ST18: variants seen among roughly 807,000 people sequenced by gnomAD.
ST18 encodes ST18 C2H2C-type zinc finger transcription factor, also known as suppression of tumorigenicity 18 protein.
A neutral mutation model predicts 110.0 loss-of-function variants in ST18; 50 were observed. That is an observed-to-expected ratio of 0.45 (90% CI 0.36 to 0.58). The LOEUF is 0.58. Among genes scored for constraint, ST18 ranks in the 20% least tolerant of loss-of-function variants. ST18 has a pLI of 0.00. For missense variants in ST18, 1,306 were observed against 1,280.1 expected (o/e 1.02, Z -0.31); for synonymous variants, 461 against 452.4 (o/e 1.02, Z -0.24).
chr8:52,217,352 C>T (rs2084718211), intron 6 of ST18, among the ~76,000 whole-genome samples: 1 of 152,094 alleles, frequency 6.6e-6, no homozygotes, highest in Non-Finnish European at 1.5e-5. Context: ...AACTCTGCCA[C>T]TCTTATTTTC....
chr8:52,331,621 A>T (rs2140076122), intron 2 of ST18, among the ~76,000 whole-genome samples: 1 of 152,354 alleles, frequency 6.6e-6, no homozygotes, highest in African/African-American at 2.4e-5. Context: ...GTCACAGAGT[A>T]AATGTAATGA....
At chr8:52,250,982 A>C (rs1457597986) in intron 2 of ST18, among the ~76,000 whole-genome samples, 1 of 152,174 alleles carries the variant, frequency 6.6e-6, no homozygotes, top group Non-Finnish European at 1.5e-5. Context: ...GATACTAAAA[A>C]GTCCTGTACA....
At chr8:52,384,786 GGTGT>G (rs60638852) in intron 2 of ST18, among the ~76,000 whole-genome samples, 3,369 of 147,454 alleles carry the variant, frequency 0.023, 134 homozygotes, top group African/African-American at 0.079. Flanking sequence ...TGTGTACACA[GGTGT>G]GTGTGTGTGT....
At chr8:52,288,299 G>C (rs1008336346) in intron 2 of ST18, among the ~76,000 whole-genome samples, 54 of 152,226 alleles carry the variant, frequency 3.5e-4, no homozygotes, top group African/African-American at 1.3e-3. Context: ...CTCAGAAGAA[G>C]GGCATGAGGA....
intron 2 of ST18, among the ~76,000 whole-genome samples, chr8:52,291,961 G>A (rs892454497): frequency 2.0e-5 from 3 of 152,092 alleles, no homozygotes; most frequent in East Asian, 3.9e-4. Context: ...TTTTTGTACA[G>A]ACGGGGTTTC....
At chr8:52,137,597 A>G in intron 17 of ST18, 114 bp from the exon 18 acceptor site, 1 of 952,160 alleles carries the variant, frequency 1.1e-6, no homozygotes, top group Middle Eastern at 2.1e-4. Context: ...TTAACACAGT[A>G]TAGGACATGC....
chr8:52,359,497 C>T (rs1052554629), intron 2 of ST18, among the ~76,000 whole-genome samples: 7 of 152,082 alleles, frequency 4.6e-5, no homozygotes, highest in African/African-American at 1.2e-4. Context: ...AAATAACTAA[C>T]GTGTTGAAAA....
chr8:52,158,941 G>T lies in ST18; in HGVS notation c.1763C>A (p.Ala588Asp), dbSNP rs778285309. The change falls in exon 15 of 26, where the codon GCC becomes GAC. Residue 588 changes from alanine to aspartate, a missense_variant. Coordinates refer to ENST00000689386, the MANE Select transcript of ST18 (RefSeq NM_001352837.2). Reference sequence around the variant, plus strand: ...TGGCTTGTTGGAGAGGATGTCTGTGGCTTCCCTGCAGCGGGTGGAAAGGTT... The same window carrying T: ...TGGCTTGTTGGAGAGGATGTCTGTGTCTTCCCTGCAGCGGGTGGAAAGGTT... ...ILNLSTRCRE[A>D]TDILSNKPQS... 1.9e-6 allele frequency: 3 copies of T among 1,613,928 alleles called. No individual in the cohort carries two copies. The highest frequency in any genetic ancestry group is 2.5e-6 in the Non-Finnish European group (3 of 1,179,920).
At chr8:52,202,257 C>T (rs1032795947) in intron 8 of ST18, among the ~76,000 whole-genome samples, 3 of 151,962 alleles carry the variant, frequency 2.0e-5, no homozygotes, top group African/African-American at 7.3e-5. Context: ...TCATGCATTA[C>T]AAGCTACATT....
chr8:52,166,950 G>A lies in ST18; in HGVS notation c.1106C>T (p.Pro369Leu), dbSNP rs2063218020. The A allele has an allele frequency of 6.2e-7, 1 of 1,611,968 alleles. No homozygotes were observed. Among genetic ancestry groups the A allele is most frequent in the Non-Finnish European group, 8.5e-7 (1 of 1,178,390 alleles). The part of the protein sequence containing the change: ...PRPEKRETKC[P>L]IPGCDGTGHV... ...TCCCGTGCCATCACATCCAGGGATCGGGCACTTGGTCTCCCTCTTTTCAGG... is the reference window on the plus strand; with the variant it reads ...TCCCGTGCCATCACATCCAGGGATCAGGCACTTGGTCTCCCTCTTTTCAGG... The change falls in exon 11 of 26, where the codon CCG becomes CTG. Residue 369 changes from proline to leucine, a missense_variant. Pro to Leu is a moderately conservative substitution (Grantham distance 98). Coordinates refer to ENST00000689386, the MANE Select transcript of ST18 (RefSeq NM_001352837.2).
intron 2 of ST18, among the ~76,000 whole-genome samples, chr8:52,353,620 A>G (rs1384429296): frequency 6.6e-6 from 1 of 152,240 alleles, no homozygotes; most frequent in African/African-American, 2.4e-5. Flanking sequence ...TATTATGAAA[A>G]TAAGAGTTTT....
intron 2 of ST18, among the ~76,000 whole-genome samples, chr8:52,244,893 C>A (rs1436484362): frequency 6.6e-6 from 1 of 152,128 alleles, no homozygotes; most frequent in Non-Finnish European, 1.5e-5. Flanking sequence ...TTTTCTTTAA[C>A]CCTTTTGGTA....
chr8:52,195,605 A>C (rs2075953103), intron 8 of ST18, among the ~76,000 whole-genome samples: 1 of 152,178 alleles, frequency 6.6e-6, no homozygotes, highest in Non-Finnish European at 1.5e-5. Context: ...CTTTTAAAGA[A>C]GATTATTGCA....
intron 3 of ST18, among the ~76,000 whole-genome samples, chr8:52,223,076 GT>G (rs1433237777): frequency 3.9e-5 from 6 of 152,196 alleles, no homozygotes; most frequent in Non-Finnish European, 7.3e-5. Flanking sequence ...GGCTTCGCTT[GT>G]TAAATAAAGT....
intron 2 of ST18, among the ~76,000 whole-genome samples, chr8:52,338,146 A>T (rs1305140832): frequency 6.6e-6 from 1 of 151,746 alleles, no homozygotes; most frequent in Non-Finnish European, 1.5e-5. Flanking sequence ...GCAACCTCCA[A>T]CTCCTGTGTA....
rs779799867 is a variant in ST18 at position 52,132,021 on chromosome 8, T to C, written c.2603A>G (p.His868Arg). 3 of 1,614,184 alleles carry C rather than the reference T, an allele frequency of 1.9e-6. No homozygotes were observed. The highest frequency in any genetic ancestry group is 2.5e-6 in the Non-Finnish European group (3 of 1,180,026). The change falls in exon 22 of 26, where the codon CAT (histidine) becomes CGT (arginine). Residue 868 changes from histidine (H) to arginine (R), a missense_variant. Coordinates refer to ENST00000689386, the MANE Select transcript of ST18 (RefSeq NM_001352837.2). The stretch of plus-strand genomic sequence containing the variant: ...CCCATTGCAGCCTGGCAAGGGACAA[T>C]GTGGTAGCTCTTGTTTGTTCAGTTT... ...SWKLNKQELP[H>R]CPLPGCNGLG... is the part of the protein sequence containing the mutation.
At position 52,164,009 on chromosome 8, in the gene ST18, C is replaced by T. The variant is rs2062161518; in HGVS notation, c.1377G>A (p.Gly459=). Residue 459 remains glycine (G), a synonymous_variant, in exon 13 of 26, where the codon GGG becomes GGA. Transcript: ENST00000689386. ...ACCTGTGGGCCTGGTCAGGACACTG[C>T]CCAGTTTGGGGAGAATCAAGCTGAT... The part of the protein sequence containing the change: ...DKNQLDSPQT[G]QCPDQAHRTS... 1.2e-6 allele frequency: 2 copies of T among 1,613,770 alleles called. No individual in the cohort carries two copies. The highest frequency in any genetic ancestry group is 1.7e-6 in the Non-Finnish European group (2 of 1,179,864).
intron 2 of ST18, among the ~76,000 whole-genome samples, chr8:52,326,326 A>G (rs1170782874): frequency 1.3e-5 from 2 of 152,198 alleles, no homozygotes; most frequent in Non-Finnish European, 2.9e-5. Context: ...TTTACCATAG[A>G]CAGAGGCACA....
chr8:52,316,507 A>C (rs1005890937), intron 2 of ST18, among the ~76,000 whole-genome samples: 2 of 152,230 alleles, frequency 1.3e-5, no homozygotes, highest in African/African-American at 4.8e-5. Flanking sequence ...AACACAAGAC[A>C]ACTCCACATT....
Sources: allele counts gnomAD v4.1 joint callset (sites outside exome capture counted in the v4.1 genomes callset), GRCh38; gene constraint gnomAD v4.1.1; transcripts MANE v1.5; gene names NCBI Gene and HGNC (gene_info 2026-07-23, HGNC 2026-07-21).